The following SRGAP2 variants were observed in gnomAD, a reference collection of about 807,000 sequenced individuals.
SRGAP2 encodes SLIT-ROBO Rho GTPase-activating protein 2.
A neutral mutation model predicts 57.2 loss-of-function variants in SRGAP2; 15 were observed. That is an observed-to-expected ratio of 0.26 (90% CI 0.18 to 0.40). The LOEUF (loss-of-function observed/expected upper bound fraction) is 0.40, where lower values mean the gene tolerates loss of function less well. Among genes scored for constraint, SRGAP2 ranks in the 10% least tolerant of loss-of-function variants. SRGAP2 has a pLI of 1.00. For synonymous variants in SRGAP2, 249 were observed against 248.0 expected, an observed-to-expected ratio of 1.00 and a Z score of -0.04; for missense variants, 520 against 669.6, an observed-to-expected ratio of 0.78 and a Z score of 2.47.
rs375625703 is a variant in SRGAP2, at chr1:206,419,407, G to T, written c.1469+7G>T. 5.1e-5 allele frequency: 40 copies of T among 780,692 alleles called. No individual in the cohort carries two copies. The African/African-American group carries it at 6.3e-4, about 12-fold the overall frequency. 48.4% of individuals were successfully genotyped at this position (780,692 alleles called of 1,614,324 possible). A position where few individuals can be genotyped will look rare whatever the true frequency, so the allele number is the denominator to read the frequency against. On this transcript the variant is annotated splice_region_variant and intron_variant, in intron 12 of 22. Coordinates refer to ENST00000573034, the MANE Select transcript of SRGAP2 (RefSeq NM_015326.5). ...CAGATTGCAGTCTAGCCAGGTGAGT[G>T]TGGCCTGGGACAGGCCTGGGAAGTG...
chr1:206,357,474 G>C (rs1676523965), intron 4 of SRGAP2, among the ~76,000 whole-genome samples: 1 of 150,258 alleles, frequency 6.7e-6, no homozygotes. Flanking sequence ...TTTTTATCAT[G>C]TCATTGCATC....
chr1:206,258,308 C>A (rs1669318911), intron 2 of SRGAP2, among the ~76,000 whole-genome samples: 1 of 152,162 alleles, frequency 6.6e-6, no homozygotes, highest in Non-Finnish European at 1.5e-5. Flanking sequence ...GTAGTTTCAA[C>A]AGAGAACATA....
intron 3 of SRGAP2, among the ~76,000 whole-genome samples, chr1:206,334,974 A>G (rs1386735903): frequency 5.3e-5 from 8 of 150,860 alleles, no homozygotes; most frequent in South Asian, 4.2e-4. Flanking sequence ...AGGTTTTTCT[A>G]TGGACTTTGT....
chr1:206,290,641 C>CAAAAAAAAAAA (rs1237811129), intron 2 of SRGAP2, among the ~76,000 whole-genome samples: 9 of 45,128 alleles, frequency 2.0e-4, no homozygotes, highest in Non-Finnish European at 3.3e-4. Flanking sequence ...GACTCCATCT[C>CAAAAAAAAAAA]AAAAAAAAAA....
intron 2 of SRGAP2, among the ~76,000 whole-genome samples, chr1:206,268,068 A>T (rs1553315081): frequency 2.8e-5 from 4 of 143,208 alleles, no homozygotes; most frequent in African/African-American, 1.1e-4. Context: ...ATGAACATGG[A>T]CTATATATAT....
At chr1:206,450,254 A>T in intron 18 of SRGAP2, 132 bp from the exon 19 acceptor site, 1 of 619,334 alleles carries the variant, frequency 1.6e-6, no homozygotes, top group Non-Finnish European at 2.9e-6. Context: ...GCATTTGTCT[A>T]TTGTGTGCAG....
intron 4 of SRGAP2, among the ~76,000 whole-genome samples, chr1:206,366,455 G>A (rs1654022543): frequency 6.6e-6 from 1 of 152,024 alleles, no homozygotes; most frequent in Non-Finnish European, 1.5e-5. Flanking sequence ...GCCGTGACCT[G>A]CAGCTCCACA....
At chr1:206,347,265 AAAC>A (rs1231055097) in intron 4 of SRGAP2, among the ~76,000 whole-genome samples, 35 of 152,150 alleles carry the variant, frequency 2.3e-4, no homozygotes, top group South Asian at 2.1e-4. Flanking sequence ...AAAAAAAAAA[AAAC>A]AACAAAAAAA....
chr1:206,334,030 A>G (rs1457920740), intron 3 of SRGAP2, among the ~76,000 whole-genome samples: 1 of 152,058 alleles, frequency 6.6e-6, no homozygotes. Context: ...AAATTTGGTC[A>G]TTCAGTAGCC....
intron 4 of SRGAP2, among the ~76,000 whole-genome samples, chr1:206,347,278 A>T (rs1298005897): frequency 6.6e-6 from 1 of 152,082 alleles, no homozygotes. Context: ...CAACAAAAAA[A>T]CAAAAAACAA....
intron 17 of SRGAP2, 124 bp downstream of exon 17, chr1:206,440,205 G>T: frequency 1.5e-6 from 1 of 652,458 alleles, no homozygotes. Flanking sequence ...CTGTGTGCTA[G>T]CCACAGTGCT....
At chr1:206,346,571 G>A (rs1553336897) in intron 4 of SRGAP2, among the ~76,000 whole-genome samples, 1 of 152,078 alleles carries the variant, frequency 6.6e-6, no homozygotes, top group East Asian at 1.9e-4. Flanking sequence ...ACCAAATTGG[G>A]ATCCAAATAC....
intron 2 of SRGAP2, among the ~76,000 whole-genome samples, chr1:206,220,027 CAA>C (rs2102475115): frequency 7.4e-6 from 1 of 134,624 alleles, no homozygotes; most frequent in South Asian, 2.7e-4. Context: ...AGAAACCTCC[CAA>C]GTTTCTAACC....
chr1:206,446,307 G>A lies in SRGAP2; in HGVS notation c.2099+8G>A, dbSNP rs1184140919. On this transcript the variant is annotated splice_region_variant and intron_variant, in intron 18 of 22. Transcript: ENST00000573034. ...AAGCATGGAGGATTACTGGTAGGGG[G>A]GCTTGGGACGGGAGGAGGGGAGGGA... is the stretch of plus-strand genomic sequence containing the variant. 3 of 780,362 alleles carry A rather than the reference G, an allele frequency of 3.8e-6. No homozygotes were observed. The highest frequency in any genetic ancestry group is 1.7e-5 in the African/African-American group (1 of 59,132). The allele number at this position is 780,362 out of a possible 1,614,324, so 48.3% of individuals were successfully genotyped here. A position where few individuals can be genotyped will look rare whatever the true frequency, so the allele number is the denominator to read the frequency against.
At chr1:206,259,762 A>ATAAATTTATTAAATATTATTAAATATTAT (rs1571703267) in intron 2 of SRGAP2, among the ~76,000 whole-genome samples, 2 of 149,570 alleles carry the variant, frequency 1.3e-5, no homozygotes, top group African/African-American at 2.4e-5. Flanking sequence ...TTAAATATTA[A>ATAAATTTATTAAATATTATTAAATATTAT]TAAATTTATT....
At chr1:206,318,413 A>G (rs1439163386) in intron 3 of SRGAP2, among the ~76,000 whole-genome samples, 1 of 152,186 alleles carries the variant, frequency 6.6e-6, no homozygotes, top group Non-Finnish European at 1.5e-5. Flanking sequence ...TCCTTTTTAT[A>G]CATTGACTGG....
At chr1:206,456,081 A>G (rs1663809924) in intron 21 of SRGAP2, 1 of 152,232 alleles carries the variant, frequency 6.6e-6, no homozygotes, top group African/African-American at 2.4e-5. Flanking sequence ...AATGATTTGC[A>G]CTTTGAAAAC....
At chr1:206,257,672 C>A (rs1553312712) in intron 2 of SRGAP2, among the ~76,000 whole-genome samples, 1 of 131,298 alleles carries the variant, frequency 7.6e-6, no homozygotes, top group Admixed American at 7.6e-5. Flanking sequence ...ATAAGACAGT[C>A]TCTGCCCTCA....
At chr1:206,234,946 C>T (rs1667841026) in intron 2 of SRGAP2, among the ~76,000 whole-genome samples, 1 of 151,242 alleles carries the variant, frequency 6.6e-6, no homozygotes, top group Non-Finnish European at 1.5e-5. Context: ...AAGAAAGTGG[C>T]AAGGAACAAA....
Sources: allele counts gnomAD v4.1 joint callset (sites outside exome capture counted in the v4.1 genomes callset), GRCh38; gene constraint gnomAD v4.1.1; transcripts MANE v1.5; gene names NCBI Gene and HGNC (gene_info 2026-07-23, HGNC 2026-07-21).